The following ZNF236 variants were observed in gnomAD, a reference collection of about 807,000 sequenced individuals.
ZNF236 encodes the protein regulated by glucose.
In ZNF236, 50 loss-of-function variants were observed where a neutral mutation model predicts 191.2. That is an observed-to-expected ratio of 0.26 (90% confidence interval 0.21 to 0.33). ZNF236 has a LOEUF of 0.33. Among genes scored for constraint, ZNF236 ranks in the 10% least tolerant of loss-of-function variants. ZNF236 has a pLI of 1.00. For synonymous variants in ZNF236, 907 were observed against 928.8 expected, an observed-to-expected ratio of 0.98 and a Z score of 0.43; for missense variants, 1,754 against 2,374.5, an observed-to-expected ratio of 0.74 and a Z score of 5.43.
chr18:76,856,669 T>A (rs1976050156), intron 3 of ZNF236, among the ~76,000 whole-genome samples: 1 of 152,204 alleles, frequency 6.6e-6, no homozygotes, highest in Admixed American at 6.5e-5. Context: ...AAGGTGGATG[T>A]GTGGGGATTA....
In ZNF236 at chr18:76,927,458, C is replaced by T. The variant is rs1461974775; in HGVS notation, c.4355C>T (p.Ala1452Val). The change falls in exon 24 of 31, where the codon GCG (alanine) becomes GTG (valine). Residue 1452 changes from alanine to valine, a missense_variant. By Grantham distance (64) the Ala-to-Val change is moderately conservative. Around this residue, in one of 5 missense-constraint regions of ZNF236, gnomAD observed 606 missense variants for 761.5 expected, o/e 0.80. Transcript: ENST00000320610. This position sits in a 1 kb window ranked among gnomAD's most constrained non-coding sequence, Gnocchi z 5.4. ...TCCTTACAGCCCACAGTGACCTCTG[C>T]GAACCTGACCATAGGCCCGCTGTCT... ...GLSLQPTVTS[A>V]NLTIGPLSEQ... 1.2e-6 allele frequency: 2 copies of T among 1,614,050 alleles called. No homozygotes were observed. The highest frequency in any genetic ancestry group is 2.2e-5 in the East Asian group (1 of 44,900).
rs537600895 is a variant in ZNF236, at chr18:76,917,561, G to A, written c.3274+1702G>A. ...GGAGAAAAGTCACGTGTTAAATTGC[G>A]TTGTTTTGCCCAAACCTAGAGACTT... is the stretch of plus-strand genomic sequence containing the variant. On this transcript the variant is annotated intron_variant, in intron 19 of 30. Transcript: ENST00000320610. Among the ~76,000 whole-genome samples the A allele has an allele frequency of 4.6e-5, 7 of 152,270 alleles. No homozygotes were observed. The South Asian group carries it at 6.2e-4, about 14-fold the overall frequency.
intron 5 of ZNF236, among the ~76,000 whole-genome samples, chr18:76,872,093 A>G (rs1445857053): frequency 1.3e-5 from 2 of 152,194 alleles, no homozygotes; most frequent in African/African-American, 4.8e-5. Context: ...GCTGTTAATA[A>G]TTGGGGGTTG....
intron 3 of ZNF236, among the ~76,000 whole-genome samples, chr18:76,855,818 C>CCA (rs1264360787): frequency 6.6e-6 from 1 of 152,092 alleles, no homozygotes; most frequent in Non-Finnish European, 1.5e-5. Context: ...CCTGCAGTGC[C>CCA]CAGCACAGCC....
At chr18:76,945,311 G>A (rs1466283545) in intron 26 of ZNF236, among the ~76,000 whole-genome samples, 1 of 152,204 alleles carries the variant, frequency 6.6e-6, no homozygotes, top group Non-Finnish European at 1.5e-5. Context: ...TAAAACAAAT[G>A]TGAATTAATA....
rs117652380 is a variant in ZNF236 at position 76,848,218 on chromosome 18, G to A, written c.56-1308G>A. Among the ~76,000 whole-genome samples, 11 of 152,284 alleles carry A rather than the reference G, an allele frequency of 7.2e-5. 1 individual carries two copies. The East Asian group carries it at 2.1e-3, about 29-fold the overall frequency. ...TCAAGGTCTATAGAACATTTCAAGT[G>A]CCTGTGTTTATCACACAAACTCTTG... On this transcript the variant is annotated intron_variant, in intron 1 of 30. Transcript: ENST00000320610.
chr18:76,851,218 C>T lies in ZNF236; in HGVS notation c.199-557C>T, dbSNP rs9951122. Among the ~76,000 whole-genome samples, 825 of 150,026 alleles carry T rather than the reference C, an allele frequency of 5.5e-3. 7 individuals carry two copies. Among genetic ancestry groups the T allele is most frequent in the African/African-American group, 0.019 (761 of 40,876 alleles). Reference sequence around the variant, plus strand: ...GCAAATGTAAGCATGCATACTTAGACGTTCAACACAAACCCATGTCATGCA... The same window carrying T: ...GCAAATGTAAGCATGCATACTTAGATGTTCAACACAAACCCATGTCATGCA... On this transcript the variant is annotated intron_variant, in intron 2 of 30. Coordinates refer to ENST00000320610, the MANE Select transcript of ZNF236 (RefSeq NM_001306089.2).
intron 9 of ZNF236, among the ~76,000 whole-genome samples, chr18:76,891,711 A>C (rs1977237307): frequency 6.6e-6 from 1 of 151,812 alleles, no homozygotes; most frequent in Non-Finnish European, 1.5e-5. Flanking sequence ...TCTTTGATTT[A>C]ATTTTTTTTT....
chr18:76,961,494 T>C (rs372740588), intron 30 of ZNF236, among the ~76,000 whole-genome samples: 2 of 152,104 alleles, frequency 1.3e-5, no homozygotes, highest in East Asian at 3.9e-4. Context: ...AGTTGCGAAT[T>C]GTGCTGCCAT....
chr18:76,842,619 C>T (rs1303353488), intron 1 of ZNF236, among the ~76,000 whole-genome samples: 6 of 152,024 alleles, frequency 3.9e-5, no homozygotes, highest in Middle Eastern at 3.4e-3. Context: ...GGTGTGGTGG[C>T]GCATGCCTGT....
chr18:76,960,410 G>T lies in ZNF236; in HGVS notation c.5243-269G>T, dbSNP rs990665693. ...TGTTGTGATCATCTGACGACTCACT[G>T]TGGGCCTGGGGTTCCACAGGCTGCA... On this transcript the variant is annotated intron_variant, in intron 29 of 30. Coordinates refer to ENST00000320610, the MANE Select transcript of ZNF236 (RefSeq NM_001306089.2). This position sits in a 1 kb window ranked among gnomAD's most constrained non-coding sequence, Gnocchi z 4.4. Among the ~76,000 whole-genome samples, 3 of 152,126 alleles carry T rather than the reference G, an allele frequency of 2.0e-5. No individual in the cohort carries two copies. The highest frequency in any genetic ancestry group is 4.4e-5 in the Non-Finnish European group (3 of 68,034).
chr18:76,958,919 C>G (rs566465359), intron 28 of ZNF236, among the ~76,000 whole-genome samples: 1 of 152,218 alleles, frequency 6.6e-6, no homozygotes, highest in African/African-American at 2.4e-5. Flanking sequence ...TTTTCCCTGA[C>G]TCCTGCCTTA....
intron 2 of ZNF236, 86 bp downstream of exon 2, chr18:76,849,754 A>C: frequency 7.9e-7 from 1 of 1,272,034 alleles, no homozygotes; most frequent in Non-Finnish European, 1.0e-6. Context: ...CAAAACTTTT[A>C]ATTTAGGTTC....
At chr18:76,943,946 T>C (rs1968199310) in intron 26 of ZNF236, among the ~76,000 whole-genome samples, 1 of 152,228 alleles carries the variant, frequency 6.6e-6, no homozygotes, top group South Asian at 2.1e-4. Context: ...CTAATGAAAT[T>C]GTACATGTGA....
chr18:76,953,528 A>G (rs1968457529), intron 27 of ZNF236, among the ~76,000 whole-genome samples: 1 of 152,188 alleles, frequency 6.6e-6, no homozygotes, highest in Non-Finnish European at 1.5e-5. Flanking sequence ...CACCCTGCCA[A>G]TAGAGACAGA....
chr18:76,959,242 A>C (rs1968600355), intron 28 of ZNF236, among the ~76,000 whole-genome samples: 2 of 152,164 alleles, frequency 1.3e-5, no homozygotes, highest in Admixed American at 1.3e-4. Flanking sequence ...TGGGTGCCGC[A>C]GGGCCTCAGG....
At chr18:76,822,746 G>A (rs1344119250) in intron 1 of ZNF236, 84 bp downstream of exon 1, 9 of 145,438 alleles carry the variant, frequency 6.2e-5, no homozygotes, top group Admixed American at 6.1e-4. Flanking sequence ...GCGGCGCGGG[G>A]GGCGCCGGGA....
At chr18:76,843,774 T>TC (rs1975586425) in intron 1 of ZNF236, among the ~76,000 whole-genome samples, 1 of 978 alleles carries the variant, frequency 1.0e-3, no homozygotes, top group Non-Finnish European at 1.9e-3. Context: ...AGACTCCGTC[T>TC]CAAAAAAAAA....
In ZNF236 at chr18:76,968,591, C is replaced by CAG. The variant is rs1968841735; in HGVS notation, c.*253_*254dup. On this transcript the variant is annotated 3_prime_UTR_variant, in exon 31 of 31. Transcript: ENST00000320610. ...GTACTACTGTAGGCAGTTTCCTCCT[C>CAG]AGTCTCCTCCGTGGCTAGTGTGTCT... 3 of 1,246,868 alleles carry CAG rather than the reference C, an allele frequency of 2.4e-6. No homozygotes were observed. The highest frequency in any genetic ancestry group is 3.0e-6 in the Non-Finnish European group (3 of 996,024). 77.2% of individuals were successfully genotyped at this position (1,246,868 alleles called of 1,614,324 possible). A position where few individuals can be genotyped will look rare whatever the true frequency, so the allele number is the denominator to read the frequency against.
Sources: gnomAD v4.1 joint callset for allele counts (sites outside exome capture counted in the v4.1 genomes callset) on GRCh38, gnomAD v4.1.1 for gene constraint, gnomAD v4.1.1 regional missense constraint, Gnocchi (gnomAD v3.1) non-coding constraint, MANE v1.5 for transcripts, NCBI Gene and HGNC (gene_info 2026-07-23, HGNC 2026-07-21) for gene names.